The following DLG2 variants were observed in gnomAD, a reference collection of about 807,000 sequenced individuals.
The protein encoded by DLG2 is disks large homolog 2.
A neutral mutation model predicts 132.5 loss-of-function variants in DLG2; 45 were observed. That is an observed-to-expected ratio of 0.34 (90% CI 0.27 to 0.44). DLG2 has a LOEUF of 0.44. DLG2 is among the 20% of genes least tolerant of loss of function. DLG2 has a pLI of 1.00. For missense variants in DLG2, 1,045 were observed against 1,196.9 expected, an observed-to-expected ratio of 0.87 and a Z score of 1.87; for synonymous variants, 424 against 419.6, an observed-to-expected ratio of 1.01 and a Z score of -0.13.
rs147661560 is a variant in DLG2, at chr11:83,703,948, G to A, written c.1826-70623C>T. On this transcript the variant is annotated intron_variant, in intron 18 of 27. Transcript: ENST00000376104. ...AAGAAAAAAAATGTATGGACATGAA[G>A]AAGTGCCCACAAAACATTGTTAAAT... 5.9e-3 allele frequency among the ~76,000 whole-genome samples: 894 copies of A among 152,162 alleles called. 6 individuals are homozygous for A. The highest frequency in any genetic ancestry group is 9.0e-3 in the Non-Finnish European group (615 of 67,992).
At chr11:84,502,166 C>G (rs867440289) in intron 7 of DLG2, among the ~76,000 whole-genome samples, 2 of 50,474 alleles carry the variant, frequency 4.0e-5, no homozygotes, top group African/African-American at 3.2e-4. Flanking sequence ...TCCTTTCTCT[C>G]TCTCTCTCTT....
chr11:84,800,404 A>T (rs2075221138), intron 6 of DLG2: 1 of 152,200 alleles, frequency 6.6e-6, no homozygotes, highest in Non-Finnish European at 1.5e-5. Flanking sequence ...ACAGTTTAAC[A>T]TTTTCTAGCT....
rs544643025 is a variant in DLG2 at position 84,447,173 on chromosome 11, T to C, written c.519+87397A>G. On this transcript the variant is annotated intron_variant, in intron 7 of 27. Coordinates refer to ENST00000376104, the MANE Select transcript of DLG2 (RefSeq NM_001142699.3). Reference sequence around the variant, plus strand: ...GTAAGACAGACCACCACCATCATTATTGTGACCTTGGAAAAGTTATGCTAA... The same window carrying C: ...GTAAGACAGACCACCACCATCATTACTGTGACCTTGGAAAAGTTATGCTAA... 2.3e-3 allele frequency among the ~76,000 whole-genome samples: 345 copies of C among 152,346 alleles called. 2 individuals carry two copies. Among genetic ancestry groups the C allele is most frequent in the African/African-American group, 7.6e-3 (316 of 41,582 alleles).
chr11:83,744,367 T>C (rs73511019), intron 18 of DLG2, among the ~76,000 whole-genome samples: 2,116 of 152,310 alleles, frequency 0.014, 58 homozygotes, highest in African/African-American at 0.049. Context: ...GATTAAATCA[T>C]ATGGTGACCT....
intron 7 of DLG2, among the ~76,000 whole-genome samples, chr11:84,346,245 A>G (rs6592176): frequency 0.32 from 49,257 of 152,072 alleles, 10,111 homozygotes; most frequent in African/African-American, 0.59. Context: ...TGGCTAACTC[A>G]CATTTATTCC....
intron 8 of DLG2, among the ~76,000 whole-genome samples, chr11:84,220,904 C>T (rs1361080987): frequency 2.0e-5 from 3 of 149,220 alleles, no homozygotes; most frequent in African/African-American, 7.4e-5. Flanking sequence ...CCTTAGTCTC[C>T]TAAGTAGCTG....
intron 8 of DLG2, among the ~76,000 whole-genome samples, chr11:84,239,146 G>A (rs886117974): frequency 6.6e-6 from 1 of 151,952 alleles, no homozygotes; most frequent in Non-Finnish European, 1.5e-5. Flanking sequence ...TACATGCATG[G>A]ACTATGGCTA....
chr11:84,987,298 G>T (rs1193004198), intron 6 of DLG2, among the ~76,000 whole-genome samples: 1 of 152,112 alleles, frequency 6.6e-6, no homozygotes, highest in East Asian at 1.9e-4. Context: ...CCATGCTCAT[G>T]ATTAGGTAGA....
chr11:85,365,211 A>G (rs549807163), intron 3 of DLG2, among the ~76,000 whole-genome samples: 13 of 152,284 alleles, frequency 8.5e-5, no homozygotes, highest in African/African-American at 2.6e-4. Flanking sequence ...TTGTAATACT[A>G]TCCTAAATAG....
intron 6 of DLG2, among the ~76,000 whole-genome samples, chr11:84,805,367 C>A (rs140226257): frequency 4.6e-5 from 7 of 151,932 alleles, no homozygotes; most frequent in Non-Finnish European, 1.0e-4. Flanking sequence ...TTACCAAGAA[C>A]CAAAAAGACC....
At chr11:84,438,583 T>C (rs2099008200) in intron 7 of DLG2, among the ~76,000 whole-genome samples, 1 of 152,240 alleles carries the variant, frequency 6.6e-6, no homozygotes, top group South Asian at 2.1e-4. Flanking sequence ...TTTTAAATCA[T>C]GCTCCTTTGA....
chr11:85,005,270 G>A (rs530461437), intron 6 of DLG2, among the ~76,000 whole-genome samples: 15 of 152,120 alleles, frequency 9.9e-5, no homozygotes, highest in African/African-American at 1.4e-4. Flanking sequence ...GAAGAAAGTC[G>A]GTGATAGCTT....
At chr11:85,487,340 C>T (rs1229364741) in intron 3 of DLG2, among the ~76,000 whole-genome samples, 2 of 149,774 alleles carry the variant, frequency 1.3e-5, no homozygotes, top group Non-Finnish European at 3.0e-5. Flanking sequence ...TCACAAAATC[C>T]CAGATCAAGA....
intron 11 of DLG2, among the ~76,000 whole-genome samples, chr11:84,033,278 G>A (rs144825989): frequency 4.7e-4 from 72 of 152,262 alleles, no homozygotes; most frequent in Middle Eastern, 3.4e-3. Context: ...GGCGGTCAAA[G>A]TCTCAACAAA....
chr11:84,683,489 T>A (rs1462141814), intron 6 of DLG2, among the ~76,000 whole-genome samples: 1 of 152,134 alleles, frequency 6.6e-6, no homozygotes, highest in Non-Finnish European at 1.5e-5. Context: ...CAAAACCAAG[T>A]ACTATAAGTT....
At chr11:84,968,242 T>C (rs1035242181) in intron 6 of DLG2, among the ~76,000 whole-genome samples, 1 of 152,178 alleles carries the variant, frequency 6.6e-6, no homozygotes, top group Admixed American at 6.5e-5. Context: ...ACATATATAA[T>C]AGATTTAGCA....
chr11:84,339,233 A>G (rs2098502661), intron 7 of DLG2, among the ~76,000 whole-genome samples: 1 of 152,154 alleles, frequency 6.6e-6, no homozygotes, highest in Admixed American at 6.5e-5. Context: ...ACTTGTTGGA[A>G]CTGTGTTAAA....
At chr11:84,600,731 G>C (rs1272344075) in intron 6 of DLG2, among the ~76,000 whole-genome samples, 1 of 152,024 alleles carries the variant, frequency 6.6e-6, no homozygotes, top group African/African-American at 2.4e-5. Context: ...TCCTCTTATA[G>C]GATAGCATTT....
intron 2 of DLG2, among the ~76,000 whole-genome samples, chr11:85,614,580 C>T (rs550838295): frequency 1.3e-5 from 2 of 152,306 alleles, no homozygotes; most frequent in East Asian, 1.9e-4. Flanking sequence ...GCAGAGGTTG[C>T]AGTAAGCCAA....
Sources: allele counts gnomAD v4.1 joint callset (sites outside exome capture counted in the v4.1 genomes callset), GRCh38; gene constraint gnomAD v4.1.1; transcripts MANE v1.5; gene names NCBI Gene and HGNC (gene_info 2026-07-23, HGNC 2026-07-21).